Variants in N4BP1 observed in about 807,000 individuals in gnomAD.
The protein encoded by N4BP1 is NEDD4-binding protein 1.
A neutral mutation model predicts 70.9 loss-of-function variants in N4BP1; 21 were observed. The ratio of observed to expected loss-of-function variants is 0.30; its 90% CI spans 0.21 to 0.43. N4BP1 has a LOEUF of 0.43. N4BP1 is among the 20% of genes least tolerant of loss of function. N4BP1 has a pLI of 1.00. For synonymous variants in N4BP1, 387 were observed against 394.6 expected, an observed-to-expected ratio of 0.98 and a Z score of 0.23; for missense variants, 936 against 1,069.4, an observed-to-expected ratio of 0.88 and a Z score of 1.74.
chr16:48,545,399 G>A (rs557450496), intron 6 of N4BP1, among the ~76,000 whole-genome samples: 15 of 130,918 alleles, frequency 1.1e-4, no homozygotes, highest in African/African-American at 3.0e-4. Context: ...GCAAAATCCC[G>A]TTTCTGCTAA....
intron 5 of N4BP1, among the ~76,000 whole-genome samples, chr16:48,547,454 A>G (rs1007709955): frequency 6.6e-6 from 1 of 152,260 alleles, no homozygotes; most frequent in African/African-American, 2.4e-5. Flanking sequence ...AACTCTTGAC[A>G]TAACTTTGTT....
chr16:48,595,413 C>T (rs1349875288), intron 1 of N4BP1, among the ~76,000 whole-genome samples: 1 of 130,974 alleles, frequency 7.6e-6, no homozygotes, highest in African/African-American at 2.9e-5. Context: ...GCCGAGATCA[C>T]ACCACTGCAC....
chr16:48,555,214 G>C (rs1339859787), intron 2 of N4BP1, among the ~76,000 whole-genome samples: 3 of 152,212 alleles, frequency 2.0e-5, no homozygotes, highest in Non-Finnish European at 1.5e-5. Context: ...CCTGTATGGT[G>C]CACGAGAATC....
intron 1 of N4BP1, among the ~76,000 whole-genome samples, chr16:48,597,976 G>C (rs1231343444): frequency 6.6e-6 from 1 of 152,190 alleles, no homozygotes; most frequent in Admixed American, 6.5e-5. Flanking sequence ...GACAAAGGTG[G>C]TTATTCCTGA....
chr16:48,569,093 G>A (rs1437656427), intron 1 of N4BP1, among the ~76,000 whole-genome samples: 3 of 152,114 alleles, frequency 2.0e-5, no homozygotes. Flanking sequence ...TTCAGTTGCC[G>A]GTTGAATATT....
chr16:48,567,202 T>C (rs913482108), intron 1 of N4BP1, among the ~76,000 whole-genome samples: 19 of 152,222 alleles, frequency 1.2e-4, no homozygotes, highest in Non-Finnish European at 2.6e-4. Flanking sequence ...AATGTAATTA[T>C]TGGCAAATCT....
intron 1 of N4BP1, among the ~76,000 whole-genome samples, chr16:48,604,830 T>C (rs1964554539): frequency 6.6e-6 from 1 of 152,184 alleles, no homozygotes; most frequent in South Asian, 2.1e-4. Context: ...TTGCTTCTCT[T>C]AGATAATAAG....
Position 48,609,839 on chromosome 16 carries a change from T to G in N4BP1, c.134A>C (p.Glu45Ala). The G allele has an allele frequency of 6.7e-7, 1 of 1,487,652 alleles. No homozygotes were observed. The highest frequency in any genetic ancestry group is 8.9e-7 in the Non-Finnish European group (1 of 1,123,628). 92.2% of individuals were successfully genotyped at this position (1,487,652 alleles called of 1,614,324 possible). ...CAGCCAGATGCGCGCGGGCAGCGGC[T>G]CCTCAGCCCCTAGCGCGCCGAGCAC... ...LAVLGALGAE[E>A]PLPARIWLQL... is the part of the protein sequence containing the mutation. The change falls in exon 1 of 7, where the codon GAG (glutamate) becomes GCG (alanine). Residue 45 changes from glutamate to alanine, a missense_variant. Glu to Ala is a moderately radical substitution (Grantham distance 107, BLOSUM62 -1). Around this residue, in one of 4 missense-constraint regions of N4BP1, gnomAD observed 187 missense variants for 217.1 expected, o/e 0.86. Transcript: ENST00000262384.
intron 1 of N4BP1, among the ~76,000 whole-genome samples, chr16:48,606,103 G>C (rs1964577995): frequency 6.6e-6 from 1 of 152,132 alleles, no homozygotes; most frequent in Admixed American, 6.5e-5. Flanking sequence ...AGGGGCAACC[G>C]TCAATACACT....
intron 2 of N4BP1, among the ~76,000 whole-genome samples, chr16:48,556,324 C>G (rs1274023396): frequency 6.6e-6 from 1 of 152,024 alleles, no homozygotes; most frequent in Non-Finnish European, 1.5e-5. Flanking sequence ...GATTAAGGAC[C>G]CTTCTTCCTA....
rs768052219 is a variant in N4BP1, at chr16:48,542,727, T to C, written c.*177A>G. ...CTGTAATAGCAGCATAATTTATATA[T>C]AGAAAAAAGCTGGTTTTGAAAACCC... On this transcript the variant is annotated 3_prime_UTR_variant, in exon 7 of 7. Coordinates refer to ENST00000262384, the MANE Select transcript of N4BP1 (RefSeq NM_153029.4). 35 of 501,764 alleles carry C rather than the reference T, an allele frequency of 7.0e-5. No homozygotes were observed. The highest frequency in any genetic ancestry group is 3.0e-4 in the Admixed American group (8 of 27,026). The allele number at this position is 501,764 out of a possible 1,614,324, so 31.1% of individuals were successfully genotyped here. A position where few individuals can be genotyped will look rare whatever the true frequency, so the allele number is the denominator to read the frequency against.
intron 1 of N4BP1, among the ~76,000 whole-genome samples, chr16:48,586,617 A>C (rs1964249585): frequency 6.6e-6 from 1 of 152,196 alleles, no homozygotes; most frequent in African/African-American, 2.4e-5. Context: ...ATCAGCCAGT[A>C]ATTTATCCTT....
intron 1 of N4BP1, among the ~76,000 whole-genome samples, chr16:48,592,501 G>T (rs1964353062): frequency 6.6e-6 from 1 of 152,166 alleles, no homozygotes; most frequent in South Asian, 2.1e-4. Context: ...ACTGGCAAAT[G>T]AAAAATGTTA....
chr16:48,557,357 G>A (rs1246769802), intron 2 of N4BP1, among the ~76,000 whole-genome samples: 2 of 152,168 alleles, frequency 1.3e-5, no homozygotes, highest in African/African-American at 4.8e-5. Context: ...TCTGCTGGAG[G>A]AGAGAGGGTA....
Position 48,592,033 on chromosome 16 carries a change from C to T in N4BP1, c.198+17742G>A, listed in dbSNP as rs531901461. Among the ~76,000 whole-genome samples the T allele has an allele frequency of 1.3e-3, 201 of 152,152 alleles. 1 individual carries two copies. The highest frequency in any genetic ancestry group is 2.4e-3 in the Non-Finnish European group (160 of 68,022). On this transcript the variant is annotated intron_variant, in intron 1 of 6. Transcript: ENST00000262384. ...ACAGAGGGATACTTGGCTCACTGCA[C>T]GCTTTAATCAAAGAAGCATGCTCTT... is the stretch of plus-strand genomic sequence containing the variant.
chr16:48,608,350 C>T (rs1017912788), intron 1 of N4BP1, among the ~76,000 whole-genome samples: 1 of 152,102 alleles, frequency 6.6e-6, no homozygotes, highest in African/African-American at 2.4e-5. Flanking sequence ...CTGAGTGCCC[C>T]GTCTCCTTTA....
intron 1 of N4BP1, among the ~76,000 whole-genome samples, chr16:48,594,906 C>T (rs1210971511): frequency 1.3e-5 from 2 of 152,066 alleles, no homozygotes; most frequent in African/African-American, 4.8e-5. Flanking sequence ...GTTTTTTCAT[C>T]CACAGACAAC....
chr16:48,556,835 A>C (rs1963761319), intron 2 of N4BP1, among the ~76,000 whole-genome samples: 1 of 152,202 alleles, frequency 6.6e-6, no homozygotes, highest in Non-Finnish European at 1.5e-5. Context: ...AGTATGGAAA[A>C]AAAAATGGCT....
chr16:48,595,191 G>A (rs994977828), intron 1 of N4BP1, among the ~76,000 whole-genome samples: 1 of 152,094 alleles, frequency 6.6e-6, no homozygotes, highest in Non-Finnish European at 1.5e-5. Flanking sequence ...GCCAAATGTG[G>A]TGGCTCACGC....
Sources: gnomAD v4.1 joint callset for allele counts (sites outside exome capture counted in the v4.1 genomes callset) on GRCh38, gnomAD v4.1.1 for gene constraint, gnomAD v4.1.1 regional missense constraint, MANE v1.5 for transcripts, NCBI Gene and HGNC (gene_info 2026-07-23, HGNC 2026-07-21) for gene names.